ACSBG1: variants seen among roughly 807,000 people sequenced by gnomAD.
ACSBG1 encodes acyl-CoA synthetase bubblegum family member 1.
ACSBG1 carries 39 observed loss-of-function variants against 80.2 expected under a neutral mutation model. The observed-to-expected ratio is 0.49, with a 90% confidence interval of 0.38 to 0.64. ACSBG1 has a LOEUF of 0.64. Among genes scored for constraint, ACSBG1 ranks in the 30% least tolerant of loss-of-function variants. ACSBG1 has a pLI of 0.00. For synonymous variants in ACSBG1, 392 were observed against 379.5 expected, an observed-to-expected ratio of 1.03 and a Z score of -0.38; for missense variants, 828 against 966.4, an observed-to-expected ratio of 0.86 and a Z score of 1.90.
intron 2 of ACSBG1, among the ~76,000 whole-genome samples, chr15:78,197,030 C>T (rs2075120801): frequency 6.6e-6 from 1 of 151,660 alleles, no homozygotes; most frequent in Non-Finnish European, 1.5e-5. Context: ...CACCACTGCA[C>T]TCCAGCCTGG....
intron 4 of ACSBG1, 45 bp downstream of exon 4, chr15:78,193,887 C>A: frequency 6.2e-7 from 1 of 1,604,500 alleles, no homozygotes; most frequent in South Asian, 1.1e-5. Context: ...ACCCTCTGCC[C>A]ACTGCCAACC....
At chr15:78,224,932 A>G (rs990831494) in intron 1 of ACSBG1, among the ~76,000 whole-genome samples, 2 of 152,194 alleles carry the variant, frequency 1.3e-5, no homozygotes, top group African/African-American at 4.8e-5. Flanking sequence ...GAAAGGAAGA[A>G]GTAAAACTTT....
At chr15:78,218,485 G>A (rs578043148) in intron 1 of ACSBG1, among the ~76,000 whole-genome samples, 8 of 152,320 alleles carry the variant, frequency 5.3e-5, no homozygotes, top group East Asian at 3.9e-4. Flanking sequence ...GGGTCAGGCA[G>A]TGGGGACACA....
At chr15:78,218,809 C>CTTTTT (rs1188892122) in intron 1 of ACSBG1, among the ~76,000 whole-genome samples, 4 of 37,114 alleles carry the variant, frequency 1.1e-4, no homozygotes, top group African/African-American at 2.8e-4. Context: ...TATCGCTCTC[C>CTTTTT]TTTTTTTTTT....
rs942215488 is a variant in ACSBG1 at position 78,194,642 on chromosome 15, T to G, written c.317A>C (p.His106Pro). Reference protein sequence around the residue: ...PSCPQLPYTVHRMFYEALDKY... With the variant: ...PSCPQLPYTVPRMFYEALDKY... ...ATCCAGGGCCTCGTAGAACATCCGA[T>G]GCACAGTGTAGGGAAGCTGTGGGCA... Residue 106 changes from histidine to proline, a missense_variant, in exon 3 of 14, where the codon CAT (histidine) becomes CCT (proline). This residue lies in a region of ACSBG1 where 356 missense variants were observed against 363.5 expected (regional missense o/e 0.98). Transcript: ENST00000258873. The G allele has an allele frequency of 6.2e-7, 1 of 1,614,226 alleles. No individual in the cohort carries two copies. Among genetic ancestry groups the G allele is most frequent in the Non-Finnish European group, 8.5e-7 (1 of 1,180,034 alleles).
At chr15:78,215,729 A>AGAAG (rs1491201142) in intron 1 of ACSBG1, among the ~76,000 whole-genome samples, 11 of 53,556 alleles carry the variant, frequency 2.1e-4, no homozygotes, top group Non-Finnish European at 4.7e-4. Context: ...AGAAAGAGAA[A>AGAAG]GAAAGAAAGA....
At chr15:78,193,393 G>A (rs533538485) in intron 5 of ACSBG1, 113 bp downstream of exon 5, 20 of 1,456,406 alleles carry the variant, frequency 1.4e-5, no homozygotes, top group Admixed American at 1.3e-4. Flanking sequence ...GAGGGTTGCC[G>A]TTGAGGATGA....
At chr15:78,229,563 T>A (rs2075430221) in intron 1 of ACSBG1, among the ~76,000 whole-genome samples, 1 of 152,158 alleles carries the variant, frequency 6.6e-6, no homozygotes, top group Non-Finnish European at 1.5e-5. Context: ...CCGTTCCACA[T>A]CCCTGGCTCT....
intron 1 of ACSBG1, among the ~76,000 whole-genome samples, chr15:78,221,392 TTA>T (rs1259684086): frequency 1.3e-5 from 2 of 152,126 alleles, no homozygotes; most frequent in Non-Finnish European, 2.9e-5. Flanking sequence ...TAGGCTAGAT[TTA>T]TGTTTCTCTT....
chr15:78,203,402 G>A (rs1046307973), intron 2 of ACSBG1, among the ~76,000 whole-genome samples: 3 of 152,222 alleles, frequency 2.0e-5, no homozygotes, highest in Non-Finnish European at 2.9e-5. Flanking sequence ...CAGAAAGCTC[G>A]CTGCCTGCTG....
intron 2 of ACSBG1, among the ~76,000 whole-genome samples, chr15:78,196,333 C>T (rs969469365): frequency 6.6e-6 from 1 of 152,258 alleles, no homozygotes; most frequent in African/African-American, 2.4e-5. Context: ...CTAACTGTTG[C>T]ATTTTGCTAA....
chr15:78,185,607 A>G (rs2074995378), intron 5 of ACSBG1, among the ~76,000 whole-genome samples: 1 of 152,254 alleles, frequency 6.6e-6, no homozygotes, highest in South Asian at 2.1e-4. Context: ...GAAATTTTCA[A>G]ATATAAATTG....
chr15:78,178,534 TCAGA>T lies in ACSBG1; in HGVS notation c.1702+76_1702+79del. 1 of 1,478,434 alleles carries T rather than the reference TCAGA, an allele frequency of 6.8e-7. No homozygotes were observed. Among genetic ancestry groups the T allele is most frequent in the African/African-American group, 1.4e-5 (1 of 72,268 alleles). 91.6% of individuals were successfully genotyped at this position (1,478,434 alleles called of 1,614,324 possible). On this transcript the variant is annotated intron_variant, in intron 11 of 13. Coordinates refer to ENST00000258873, the MANE Select transcript of ACSBG1 (RefSeq NM_015162.5). The surrounding 1 kb of genome is among the most constrained non-coding windows in gnomAD (Gnocchi z 4.3). The stretch of plus-strand genomic sequence containing the variant: ...CCAGGGTGGTCTTGAACTCCTGAGC[TCAGA>T]CAATCTGCCCGCCTTGGCCTCCCAA...
chr15:78,225,658 A>C (rs190716384), intron 1 of ACSBG1, among the ~76,000 whole-genome samples: 1 of 152,232 alleles, frequency 6.6e-6, no homozygotes, highest in East Asian at 1.9e-4. Context: ...GTCAAATTTC[A>C]AACAGTCTTT....
intron 2 of ACSBG1, among the ~76,000 whole-genome samples, chr15:78,200,474 G>A (rs930513210): frequency 5.9e-5 from 9 of 152,166 alleles, no homozygotes; most frequent in African/African-American, 9.6e-5. Flanking sequence ...CTGAGGCCCC[G>A]ATCATCTCTT....
At chr15:78,214,833 G>A (rs763107202) in intron 1 of ACSBG1, among the ~76,000 whole-genome samples, 7 of 152,306 alleles carry the variant, frequency 4.6e-5, no homozygotes, top group East Asian at 1.9e-4. Context: ...GATGGCAAAC[G>A]ACTGTCAGAT....
At chr15:78,189,171 G>A (rs1323884575) in intron 5 of ACSBG1, among the ~76,000 whole-genome samples, 1 of 151,150 alleles carries the variant, frequency 6.6e-6, no homozygotes, top group Non-Finnish European at 1.5e-5. Context: ...TCAGGAAACA[G>A]CAGGTGCTGG....
intron 5 of ACSBG1, among the ~76,000 whole-genome samples, chr15:78,190,124 C>A (rs2075043994): frequency 6.6e-6 from 1 of 151,980 alleles, no homozygotes; most frequent in Non-Finnish European, 1.5e-5. Context: ...AGATACTCAG[C>A]TGGACTGGGT....
In ACSBG1 at chr15:78,170,803, C is replaced by T. The variant is rs994845331; in HGVS notation, c.*641G>A. 6.5e-6 allele frequency: 1 copy of T among 152,876 alleles called. No individual in the cohort carries two copies. Among genetic ancestry groups the T allele is most frequent in the African/African-American group, 2.4e-5 (1 of 41,468 alleles). The allele number at this position is 152,876 out of a possible 1,614,324, so 9.5% of individuals were successfully genotyped here. A position where few individuals can be genotyped will look rare whatever the true frequency, so the allele number is the denominator to read the frequency against. On this transcript the variant is annotated 3_prime_UTR_variant, in exon 14 of 14. Coordinates refer to ENST00000258873, the MANE Select transcript of ACSBG1 (RefSeq NM_015162.5). ...AGTTAAATGCCCACTACTCTCTGCA[C>T]TGGTCCCACCTGCTCAATTGACAAA...
Sources: gnomAD v4.1 joint callset for allele counts (sites outside exome capture counted in the v4.1 genomes callset) on GRCh38, gnomAD v4.1.1 for gene constraint, gnomAD v4.1.1 regional missense constraint, Gnocchi (gnomAD v3.1) non-coding constraint, MANE v1.5 for transcripts, NCBI Gene and HGNC (gene_info 2026-07-23, HGNC 2026-07-21) for gene names.